Variants in DNAL4 observed in about 807,000 individuals in gnomAD.
DNAL4 encodes the protein dynein axonemal light chain 4.
In DNAL4, 10 loss-of-function variants were observed where a neutral mutation model predicts 12.6. The ratio of observed to expected loss-of-function variants is 0.79; its 90% CI spans 0.49 to 1.34. The LOEUF is 1.34. DNAL4 is among the 40% of genes most tolerant of loss of function. DNAL4 has a pLI of 0.00. For missense variants in DNAL4, 128 were observed against 138.1 expected (o/e 0.93, Z 0.37); for synonymous variants, 46 against 53.1 (o/e 0.87, Z 0.58).
rs753841426 is a variant in DNAL4, at chr22:38,780,963, C to T, written c.116G>A (p.Cys39Tyr). The T allele has an allele frequency of 4.3e-6, 7 of 1,614,232 alleles. No homozygotes were observed. Among genetic ancestry groups the T allele is most frequent in the Non-Finnish European group, 5.1e-6 (6 of 1,180,030 alleles). The change falls in exon 3 of 4, where the codon TGT becomes TAT. Residue 39 changes from cysteine to tyrosine, a missense_variant. Physicochemically the swap from Cys to Tyr is radical, Grantham distance 194 (BLOSUM62 -2). Transcript: ENST00000216068. ...EEMRVETMELCVTACEKFSNN... is the reference protein window; with the variant it reads ...EEMRVETMELYVTACEKFSNN... ...GGAGAATTTCTCACAGGCTGTGACA[C>T]ATAGCTCCATGGTCTCCACGCGCAT...
chr22:38,790,625 G>C (rs1241940209), intron 1 of DNAL4, among the ~76,000 whole-genome samples: 1 of 152,190 alleles, frequency 6.6e-6, no homozygotes, highest in Non-Finnish European at 1.5e-5. Context: ...AAGCCATCAA[G>C]TCCAACTATC....
chr22:38,785,294 T>A (rs1183212742), intron 1 of DNAL4: 2 of 152,212 alleles, frequency 1.3e-5, no homozygotes, highest in Non-Finnish European at 2.9e-5. Flanking sequence ...GCTACACTGA[T>A]GACAGAAGGA....
At chr22:38,780,171 C>T (rs1198533466) in intron 3 of DNAL4, among the ~76,000 whole-genome samples, 1 of 152,182 alleles carries the variant, frequency 6.6e-6, no homozygotes, top group African/African-American at 2.4e-5. Context: ...CTCGGCAGGG[C>T]GAGTCCAGGT....
At chr22:38,790,153 A>G (rs563383278) in intron 1 of DNAL4, among the ~76,000 whole-genome samples, 1 of 152,246 alleles carries the variant, frequency 6.6e-6, no homozygotes, top group Non-Finnish European at 1.5e-5. Context: ...CATGCCTGGC[A>G]AGATGTGTGG....
At chr22:38,783,331 C>CAT (rs2093037319) in intron 1 of DNAL4, among the ~76,000 whole-genome samples, 2 of 150,582 alleles carry the variant, frequency 1.3e-5, no homozygotes, top group Non-Finnish European at 3.0e-5. Context: ...CCTCCCACTA[C>CAT]ACACGCGGGC....
At chr22:38,788,008 G>A (rs1380072384) in intron 1 of DNAL4, among the ~76,000 whole-genome samples, 6 of 152,190 alleles carry the variant, frequency 3.9e-5, no homozygotes, top group Non-Finnish European at 8.8e-5. Context: ...TAGGAGACAA[G>A]CCAGTAACAC....
chr22:38,784,984 C>CA (rs925885693), intron 1 of DNAL4, among the ~76,000 whole-genome samples: 2 of 150,530 alleles, frequency 1.3e-5, no homozygotes, highest in Non-Finnish European at 3.0e-5. Flanking sequence ...GACCCCCCCC[C>CA]CCATCCAATG....
chr22:38,792,237 C>T (rs1034857382), intron 1 of DNAL4, among the ~76,000 whole-genome samples: 4 of 151,180 alleles, frequency 2.6e-5, no homozygotes, highest in African/African-American at 4.8e-5. Context: ...TTCTTTATAT[C>T]TTTATTCTAT....
intron 1 of DNAL4, among the ~76,000 whole-genome samples, chr22:38,788,931 A>T (rs1168581061): frequency 6.6e-6 from 1 of 152,254 alleles, no homozygotes; most frequent in African/African-American, 2.4e-5. Flanking sequence ...ATTTGGCTCT[A>T]GATGCCCCAG....
Position 38,782,723 on chromosome 22 carries a change from T to C in DNAL4, c.9A>G (p.Glu3=), listed in dbSNP as rs1413160943. The C allele has an allele frequency of 6.2e-7, 1 of 1,613,272 alleles. No homozygotes were observed. ...CAGCCTCATCTTTCTTCCCTTCTGT[T>C]TCTCCCATGATCCTTCCACTGTGAC... MG[E]TEGKKDEADY... Residue 3 remains glutamate (E), a synonymous_variant, in exon 2 of 4, where the codon GAA becomes GAG. Coordinates refer to ENST00000216068, the MANE Select transcript of DNAL4 (RefSeq NM_005740.3). This position sits in a 1 kb window ranked among gnomAD's most constrained non-coding sequence, Gnocchi z 5.1.
chr22:38,790,375 G>C (rs989111549), intron 1 of DNAL4, among the ~76,000 whole-genome samples: 14 of 152,220 alleles, frequency 9.2e-5, no homozygotes, highest in Admixed American at 3.3e-4. Flanking sequence ...GCATGCAGCA[G>C]AATCAAAACA....
intron 1 of DNAL4, among the ~76,000 whole-genome samples, chr22:38,786,936 T>C (rs2093043104): frequency 6.6e-6 from 1 of 152,166 alleles, no homozygotes. Flanking sequence ...TAAAGAGGGT[T>C]AGGGTGTGTG....
At chr22:38,787,228 C>A (rs1421134722) in intron 1 of DNAL4, among the ~76,000 whole-genome samples, 1 of 149,362 alleles carries the variant, frequency 6.7e-6, no homozygotes, top group Non-Finnish European at 1.5e-5. Context: ...CTTTTCTTTT[C>A]TTTCTTTCTT....
chr22:38,787,461 C>T (rs887419417), intron 1 of DNAL4, among the ~76,000 whole-genome samples: 1 of 151,966 alleles, frequency 6.6e-6, no homozygotes, highest in Non-Finnish European at 1.5e-5. Flanking sequence ...AGGCTGGTCT[C>T]GAACTCCTGA....
intron 1 of DNAL4, among the ~76,000 whole-genome samples, chr22:38,790,610 G>A (rs1414429702): frequency 1.3e-5 from 2 of 152,220 alleles, no homozygotes; most frequent in African/African-American, 2.4e-5. Flanking sequence ...ATCGGGGCAG[G>A]AGGGAAGCCA....
At chr22:38,788,204 C>G (rs1006449801) in intron 1 of DNAL4, among the ~76,000 whole-genome samples, 1 of 152,104 alleles carries the variant, frequency 6.6e-6, no homozygotes, top group South Asian at 2.1e-4. Flanking sequence ...CCAAGACGCT[C>G]GTAGTAAGGT....
rs1233895995 is a variant in DNAL4, at chr22:38,779,473, A to T, written c.294T>A (p.Ala98=). The change falls in exon 4 of 4, where the codon GCT becomes GCA. Residue 98 remains alanine (A), a synonymous_variant. Coordinates refer to ENST00000216068, the MANE Select transcript of DNAL4 (RefSeq NM_005740.3). This position sits in a 1 kb window ranked among gnomAD's most constrained non-coding sequence, Gnocchi z 4.3. ...GTCAGGAGCACTTCCAGACGCACAC[A>T]GCCAGGGTGCCCCCGAAGTACAGGT... is the stretch of plus-strand genomic sequence containing the variant. ...LLYLYFGGTL[A]VCVWKCS is the part of the protein sequence containing the mutation. The T allele has an allele frequency of 6.3e-7, 1 of 1,577,882 alleles. No homozygotes were observed.
rs1368731806 is a variant in DNAL4 at position 38,782,833 on chromosome 22, A to G, written c.-102T>C. On this transcript the variant is annotated 5_prime_UTR_variant, in exon 2 of 4. Coordinates refer to ENST00000216068, the MANE Select transcript of DNAL4 (RefSeq NM_005740.3). This position sits in a 1 kb window ranked among gnomAD's most constrained non-coding sequence, Gnocchi z 5.1. ...GAGATTCAGGAAGCAGGCCCTGCCAACTCGGTGGGAGCAGAAAATGTCTTT... is the reference window on the plus strand; with the variant it reads ...GAGATTCAGGAAGCAGGCCCTGCCAGCTCGGTGGGAGCAGAAAATGTCTTT... 1 of 1,100,644 alleles carries G rather than the reference A, an allele frequency of 9.1e-7. No individual in the cohort carries two copies. Among genetic ancestry groups the G allele is most frequent in the Non-Finnish European group, 1.3e-6 (1 of 780,172 alleles). 68.2% of individuals were successfully genotyped at this position (1,100,644 alleles called of 1,614,324 possible).
rs150474345 is a variant in DNAL4 at position 38,783,603 on chromosome 22, G to A, written c.-139-733C>T. Among the ~76,000 whole-genome samples the A allele has an allele frequency of 3.7e-3, 563 of 152,344 alleles. 5 individuals are homozygous for A. Among genetic ancestry groups the A allele is most frequent in the African/African-American group, 0.012 (515 of 41,580 alleles). On this transcript the variant is annotated intron_variant, in intron 1 of 3. Coordinates refer to ENST00000216068, the MANE Select transcript of DNAL4 (RefSeq NM_005740.3). ...CCCTGGCACACCAGGCTCCCTGGTTGTTCTTTCCTACTCCTTCTTGGACCA... is the reference window on the plus strand; with the variant it reads ...CCCTGGCACACCAGGCTCCCTGGTTATTCTTTCCTACTCCTTCTTGGACCA...
Sources: allele counts gnomAD v4.1 joint callset (sites outside exome capture counted in the v4.1 genomes callset), GRCh38; gene constraint gnomAD v4.1.1; non-coding constraint Gnocchi (gnomAD v3.1); transcripts MANE v1.5; gene names NCBI Gene and HGNC (gene_info 2026-07-23, HGNC 2026-07-21).